SCHIP1: variants seen among roughly 807,000 people sequenced by gnomAD.
The protein encoded by SCHIP1 is schwannomin interacting protein 1.
Under a neutral mutation model 29.7 loss-of-function variants are expected in SCHIP1, and 8 were observed. The observed-to-expected ratio is 0.27, with a 90% confidence interval of 0.16 to 0.49. The LOEUF is 0.49. SCHIP1 is among the 20% of genes least tolerant of loss of function. The pLI is 0.99. For synonymous variants in SCHIP1, 76 were observed against 94.9 expected (o/e 0.80, Z 1.16); for missense variants, 193 against 294.6 (o/e 0.66, Z 2.52).
At chr3:159,504,887 AG>A in the SCHIP1 span, among the ~76,000 whole-genome samples, 1 of 152,126 alleles carries the variant, frequency 6.6e-6, no homozygotes, top group Admixed American at 6.5e-5. Context: ...AGCTTACTCC[AG>A]GGGAGGAATG....
the SCHIP1 span, among the ~76,000 whole-genome samples, chr3:159,427,507 T>C: frequency 6.6e-6 from 1 of 152,226 alleles, no homozygotes; most frequent in Non-Finnish European, 1.5e-5. Flanking sequence ...AAGGACCTCT[T>C]CAAGGAGAAC....
the SCHIP1 span, among the ~76,000 whole-genome samples, chr3:159,566,362 T>C: frequency 1.3e-5 from 2 of 152,240 alleles, no homozygotes; most frequent in African/African-American, 4.8e-5. Context: ...GAGCAACTAC[T>C]GTGGACCAGG....
the SCHIP1 span, among the ~76,000 whole-genome samples, chr3:159,691,416 CTTTT>C: frequency 9.4e-6 from 1 of 106,700 alleles, no homozygotes; most frequent in African/African-American, 3.6e-5. Context: ...GCAACCCCTG[CTTTT>C]TTTTTTTTTT....
chr3:159,878,783 AAAAAT>A (rs1553798739), intron 2 of SCHIP1, among the ~76,000 whole-genome samples: 1 of 150,754 alleles, frequency 6.6e-6, no homozygotes, highest in African/African-American at 2.4e-5. Flanking sequence ...GTCTCAAAAA[AAAAAT>A]AAAATAAAAT....
chr3:159,389,460 G>A, the SCHIP1 span, among the ~76,000 whole-genome samples: 1 of 151,988 alleles, frequency 6.6e-6, no homozygotes, highest in Non-Finnish European at 1.5e-5. Flanking sequence ...CAGAATTTTT[G>A]GAGGACAATT....
At chr3:159,351,571 T>G in the SCHIP1 span, among the ~76,000 whole-genome samples, 1 of 152,066 alleles carries the variant, frequency 6.6e-6, no homozygotes, top group Non-Finnish European at 1.5e-5. Flanking sequence ...TTTAAAATTT[T>G]TATCTTATTT....
chr3:159,492,360 T>C, the SCHIP1 span, among the ~76,000 whole-genome samples: 1 of 152,102 alleles, frequency 6.6e-6, no homozygotes, highest in Admixed American at 6.5e-5. Context: ...TGAAAAAAGA[T>C]TAGACAAATG....
the SCHIP1 span, among the ~76,000 whole-genome samples, chr3:159,433,740 A>G: frequency 1.3e-5 from 2 of 152,200 alleles, no homozygotes; most frequent in African/African-American, 4.8e-5. Flanking sequence ...GAAGAAGTAG[A>G]TAATATATGT....
chr3:159,421,505 GGAGAACA>G, the SCHIP1 span, among the ~76,000 whole-genome samples: 47 of 147,436 alleles, frequency 3.2e-4, no homozygotes, highest in African/African-American at 1.1e-3. Flanking sequence ...CTATGAAAAA[GGAGAACA>G]AATAAAGTTA....
the SCHIP1 span, among the ~76,000 whole-genome samples, chr3:159,425,487 GCTAA>G: frequency 1.3e-5 from 2 of 152,048 alleles, no homozygotes; most frequent in Non-Finnish European, 2.9e-5. Flanking sequence ...AACAAGAAGA[GCTAA>G]CTATCCTAAA....
At chr3:159,417,959 A>G in the SCHIP1 span, among the ~76,000 whole-genome samples, 1 of 152,136 alleles carries the variant, frequency 6.6e-6, no homozygotes, top group African/African-American at 2.4e-5. Flanking sequence ...TGCCAACAAC[A>G]TTCAGATATA....
the SCHIP1 span, among the ~76,000 whole-genome samples, chr3:159,507,846 A>C: frequency 6.6e-6 from 1 of 152,162 alleles, no homozygotes; most frequent in African/African-American, 2.4e-5. Context: ...AAGCTTTTTG[A>C]TGTCCTGCTG....
the SCHIP1 span, among the ~76,000 whole-genome samples, chr3:159,788,418 C>T: frequency 6.6e-6 from 1 of 152,292 alleles, no homozygotes; most frequent in South Asian, 2.1e-4. Context: ...GAGTGGCCTG[C>T]CGAGTGTAGA....
At chr3:159,562,308 C>G in the SCHIP1 span, among the ~76,000 whole-genome samples, 1 of 152,184 alleles carries the variant, frequency 6.6e-6, no homozygotes, top group East Asian at 1.9e-4. Context: ...CAAGGTATTT[C>G]TAAGATACTC....
the SCHIP1 span, among the ~76,000 whole-genome samples, chr3:159,602,974 A>G: frequency 4.6e-5 from 7 of 152,152 alleles, no homozygotes; most frequent in African/African-American, 1.4e-4. Flanking sequence ...TGAGGGCTCA[A>G]TGCCATAAGA....
At chr3:159,616,219 C>T in the SCHIP1 span, among the ~76,000 whole-genome samples, 1 of 152,210 alleles carries the variant, frequency 6.6e-6, no homozygotes, top group Non-Finnish European at 1.5e-5. Flanking sequence ...CTGCCTCAGC[C>T]TCCTGAGTAG....
the SCHIP1 span, among the ~76,000 whole-genome samples, chr3:159,584,031 C>T: frequency 6.6e-6 from 1 of 152,126 alleles, no homozygotes; most frequent in Non-Finnish European, 1.5e-5. Context: ...TAATTCAGAC[C>T]TCATCTTGCA....
the SCHIP1 span, among the ~76,000 whole-genome samples, chr3:159,301,184 T>C: frequency 6.6e-6 from 1 of 152,140 alleles, no homozygotes; most frequent in Admixed American, 6.5e-5. Context: ...TTTGGAAGTG[T>C]CACTATTACC....
the SCHIP1 span, among the ~76,000 whole-genome samples, chr3:159,623,455 G>A: frequency 4.2e-4 from 64 of 152,096 alleles, no homozygotes; most frequent in African/African-American, 1.1e-3. Flanking sequence ...GTGAAACCAC[G>A]TCTCTACTAA....
Sources: gnomAD v4.1 joint callset for allele counts (sites outside exome capture counted in the v4.1 genomes callset) on GRCh38, gnomAD v4.1.1 for gene constraint, MANE v1.5 for transcripts, NCBI Gene and HGNC (gene_info 2026-07-23, HGNC 2026-07-21) for gene names.